The following SLC2A9 variants were observed in gnomAD, a reference collection of about 807,000 sequenced individuals.
SLC2A9 encodes solute carrier family 2, facilitated glucose transporter member 9.
Under a neutral mutation model 50.6 loss-of-function variants are expected in SLC2A9, and 39 were observed. The observed-to-expected ratio is 0.77, with a 90% CI of 0.60 to 1.01. SLC2A9 has a LOEUF of 1.01. Among genes scored for constraint, SLC2A9 ranks in the 50% least tolerant of loss-of-function variants. The pLI is 0.00. For missense variants in SLC2A9, 686 were observed against 677.6 expected (o/e 1.01, Z -0.14); for synonymous variants, 324 against 276.9 (o/e 1.17, Z -1.69).
intron 2 of SLC2A9, 146 bp from the exon 3 acceptor site, chr4:9,997,087 C>A: frequency 1.2e-6 from 1 of 867,718 alleles, no homozygotes. Context: ...TCATTGGCCT[C>A]TTCTAACAAA....
At chr4:10,020,176 G>C (rs951943228) in intron 1 of SLC2A9, among the ~76,000 whole-genome samples, 1 of 152,066 alleles carries the variant, frequency 6.6e-6, no homozygotes, top group Admixed American at 6.6e-5. Flanking sequence ...GTCTGGAAGG[G>C]AATGCGGGTC....
At chr4:9,941,617 G>C (rs577841427) in intron 6 of SLC2A9, among the ~76,000 whole-genome samples, 4 of 152,344 alleles carry the variant, frequency 2.6e-5, no homozygotes, top group East Asian at 1.9e-4. Flanking sequence ...AACAACTAGA[G>C]AGGTGGTAGT....
intron 3 of SLC2A9, among the ~76,000 whole-genome samples, chr4:9,789,664 G>A (rs575585116): frequency 9.2e-5 from 14 of 152,372 alleles, no homozygotes; most frequent in African/African-American, 3.1e-4. Context: ...TTCGGGGGAA[G>A]GGCTTAAAGG....
At chr4:9,939,599 T>G (rs192153843) in intron 6 of SLC2A9, among the ~76,000 whole-genome samples, 8 of 152,358 alleles carry the variant, frequency 5.3e-5, no homozygotes, top group Admixed American at 3.3e-4. Flanking sequence ...CCTTGGTTTT[T>G]TTTTTTAGGT....
At chr4:9,925,059 C>T (rs1744652736) in intron 6 of SLC2A9, among the ~76,000 whole-genome samples, 2 of 152,212 alleles carry the variant, frequency 1.3e-5, no homozygotes, top group African/African-American at 2.4e-5. Context: ...CCTCCTCCCA[C>T]GGTCCCTGTG....
At chr4:9,874,146 T>C (rs928474060) in intron 10 of SLC2A9, among the ~76,000 whole-genome samples, 1 of 152,140 alleles carries the variant, frequency 6.6e-6, no homozygotes, top group Non-Finnish European at 1.5e-5. Flanking sequence ...AGGCTTCCAT[T>C]AGCATCCTCT....
chr4:9,871,396 G>C (rs1460935025), intron 10 of SLC2A9, among the ~76,000 whole-genome samples: 1 of 152,162 alleles, frequency 6.6e-6, no homozygotes, highest in Admixed American at 6.5e-5. Context: ...TAAAATCAAG[G>C]TGTTGGCAGA....
chr4:9,842,080 C>A (rs1336108998), intron 10 of SLC2A9, among the ~76,000 whole-genome samples: 5 of 152,052 alleles, frequency 3.3e-5, no homozygotes, highest in African/African-American at 1.2e-4. Context: ...TTGGTTACTG[C>A]TGGCCATTTT....
intron 6 of SLC2A9, among the ~76,000 whole-genome samples, chr4:9,939,778 G>C (rs1442512764): frequency 1.3e-5 from 2 of 151,976 alleles, no homozygotes; most frequent in African/African-American, 4.8e-5. Flanking sequence ...CTCACTCCTG[G>C]GGGGCAGGAA....
intron 3 of SLC2A9, chr4:9,783,671 C>T (rs1718835899): frequency 1.7e-6 from 1 of 586,226 alleles, no homozygotes; most frequent in African/African-American, 1.9e-5. Flanking sequence ...CAAATGTACC[C>T]AGCCTACCAG....
chr4:9,985,770 T>C lies in SLC2A9; in HGVS notation c.434A>G (p.Asn145Ser). 1 of 1,613,954 alleles carries C rather than the reference T, an allele frequency of 6.2e-7. No homozygotes were observed. Reference protein sequence around the residue: ...LGRKHTLLANNGFAISAALLM... With the variant: ...LGRKHTLLANSGFAISAALLM... ...CAATGCAGCAGAAATTGCAAACCCATTATTGGCCAGCAAAGTGTGCTTCCT... is the reference window on the plus strand; with the variant it reads ...CAATGCAGCAGAAATTGCAAACCCACTATTGGCCAGCAAAGTGTGCTTCCT... The change falls in exon 4 of 12, where the codon AAT becomes AGT. Residue 145 changes from asparagine to serine, a missense_variant. By Grantham distance (46) the Asn-to-Ser change is conservative. Coordinates refer to ENST00000264784, the MANE Select transcript of SLC2A9 (RefSeq NM_020041.3).
chr4:9,812,602 G>A (rs1364527131), intron 3 of SLC2A9, among the ~76,000 whole-genome samples: 1 of 150,954 alleles, frequency 6.6e-6, no homozygotes, highest in Non-Finnish European at 1.5e-5. Context: ...TCTAGGTCTT[G>A]CATCTAGATG....
intron 6 of SLC2A9, among the ~76,000 whole-genome samples, chr4:9,940,460 G>T (rs1167378625): frequency 3.3e-5 from 5 of 152,110 alleles, no homozygotes; most frequent in Admixed American, 2.0e-4. Context: ...TACTAACCAG[G>T]GTCCTCTGGA....
chr4:9,934,257 C>A (rs560958942), intron 6 of SLC2A9, among the ~76,000 whole-genome samples: 1 of 152,152 alleles, frequency 6.6e-6, no homozygotes, highest in South Asian at 2.1e-4. Context: ...TTTGTCTGCC[C>A]ACTGTACCAC....
chr4:9,824,697 T>C (rs905447977), downstream of SLC2A9, among the ~76,000 whole-genome samples: 1 of 152,228 alleles, frequency 6.6e-6, no homozygotes, highest in African/African-American at 2.4e-5. Flanking sequence ...GATACATCTT[T>C]AGTATGTAGC....
At chr4:9,956,315 C>T (rs1236468360) in intron 5 of SLC2A9, among the ~76,000 whole-genome samples, 1 of 131,330 alleles carries the variant, frequency 7.6e-6, no homozygotes, top group Admixed American at 7.9e-5. Flanking sequence ...AACCCCATGT[C>T]TACTAAAAAT....
At chr4:10,019,283 G>A (rs1763201562) in intron 1 of SLC2A9, 1 of 587,142 alleles carries the variant, frequency 1.7e-6, no homozygotes, top group East Asian at 2.8e-5. Context: ...GGCGCCCTCA[G>A]GTTTAGCGGC....
intron 10 of SLC2A9, among the ~76,000 whole-genome samples, chr4:9,884,162 T>C (rs1370527971): frequency 6.6e-6 from 1 of 152,226 alleles, no homozygotes; most frequent in East Asian, 1.9e-4. Context: ...ACATATTTGT[T>C]AGGCAGCTAG....
At chr4:9,771,533 T>G (rs1337605535) in intron 1 of SLC2A9, among the ~76,000 whole-genome samples, 2 of 152,218 alleles carry the variant, frequency 1.3e-5, no homozygotes, top group African/African-American at 2.4e-5. Flanking sequence ...TAGCTGGAGA[T>G]CCCTCATCAC....
Sources: allele counts gnomAD v4.1 joint callset (sites outside exome capture counted in the v4.1 genomes callset), GRCh38; gene constraint gnomAD v4.1.1; transcripts MANE v1.5; gene names NCBI Gene and HGNC (gene_info 2026-07-23, HGNC 2026-07-21).